Variants in PRDM16 observed in about 807,000 individuals in gnomAD.
PRDM16 encodes the protein PR/SET domain 16, also known as histone-lysine N-methyltransferase PRDM16.
A neutral mutation model predicts 110.6 loss-of-function variants in PRDM16; 23 were observed. The ratio of observed to expected loss-of-function variants is 0.21; its 90% CI spans 0.15 to 0.29. The LOEUF (loss-of-function observed/expected upper bound fraction) is 0.29, where lower values mean the gene tolerates loss of function less well. Ranked by LOEUF, PRDM16 falls within the 10% of genes least tolerant of loss-of-function variation. PRDM16 has a pLI of 1.00. For synonymous variants in PRDM16, 799 were observed against 781.8 expected (o/e 1.02, Z -0.37); for missense variants, 1,615 against 1,794.3 (o/e 0.90, Z 1.81).
rs372060073 is a variant in PRDM16, at chr1:3,135,191, C to T, written c.38-50934C>T. Among the ~76,000 whole-genome samples, 10 of 152,328 alleles carry T rather than the reference C, an allele frequency of 6.6e-5. No homozygotes were observed. The East Asian group carries it at 1.6e-3, about 24-fold the overall frequency. ...CCAGCCTGGTCCCCACCAGTGAACC[C>T]GAGTCAGCCCAGTCGGCCCCAGGCT... On this transcript the variant is annotated intron_variant, in intron 1 of 16. Transcript: ENST00000270722.
chr1:3,408,819 CGT>C lies in PRDM16; in HGVS notation c.1187-2563_1187-2562del, dbSNP rs1401052633. On this transcript the variant is annotated intron_variant, in intron 8 of 16. Coordinates refer to ENST00000270722, the MANE Select transcript of PRDM16 (RefSeq NM_022114.4). ...GCGTGTGTGTGAGCGCGTGTGGGCGCGTGAGCTGGTGCGTGTGTTGGAGGATG... is the reference window on the plus strand; with the variant it reads ...GCGTGTGTGTGAGCGCGTGTGGGCGCGAGCTGGTGCGTGTGTTGGAGGATG... Among the ~76,000 whole-genome samples the C allele has an allele frequency of 6.0e-5, 8 of 133,796 alleles. No homozygotes were observed. The East Asian group carries it at 9.3e-4, about 16-fold the overall frequency. 87.8% of individuals were successfully genotyped at this position (133,796 alleles called of 152,430 possible). A position where few individuals can be genotyped will look rare whatever the true frequency, so the allele number is the denominator to read the frequency against.
chr1:3,080,900 A>G lies in PRDM16; in HGVS notation c.37+11604A>G, dbSNP rs896102825. On this transcript the variant is annotated intron_variant, in intron 1 of 16. Transcript: ENST00000270722. This position sits in a 1 kb window ranked among gnomAD's most constrained non-coding sequence, Gnocchi z 5.2. ...AGCAGAACCCCGGCCCGAGCACCCAACGCTTCCCGGAGAGCTTGTGTGCCT... is the reference window on the plus strand; with the variant it reads ...AGCAGAACCCCGGCCCGAGCACCCAGCGCTTCCCGGAGAGCTTGTGTGCCT... Among the ~76,000 whole-genome samples the G allele has an allele frequency of 4.0e-5, 6 of 151,288 alleles. No homozygotes were observed. The highest frequency in any genetic ancestry group is 8.8e-5 in the Non-Finnish European group (6 of 67,812).
At chr1:3,304,859 G>A (rs1641278611) in intron 3 of PRDM16, among the ~76,000 whole-genome samples, 1 of 152,136 alleles carries the variant, frequency 6.6e-6, no homozygotes, top group African/African-American at 2.4e-5. Flanking sequence ...AGTTGTGGAG[G>A]AGCCCAAGGA....
At chr1:3,227,600 A>AC (rs1178088567) in intron 2 of PRDM16, among the ~76,000 whole-genome samples, 1 of 152,146 alleles carries the variant, frequency 6.6e-6, no homozygotes, top group Non-Finnish European at 1.5e-5. Context: ...GGGAATCAGG[A>AC]CCCGTGGGCC....
rs1442203004 is a variant in PRDM16, at chr1:3,213,956, C to T, written c.387+27482C>T. On this transcript the variant is annotated intron_variant, in intron 2 of 16. Transcript: ENST00000270722. The surrounding 1 kb of genome is among the most constrained non-coding windows in gnomAD (Gnocchi z 5.3). ...GGTGTGGCCAGTGCACCAAGCAGAA[C>T]GGCCAGGCAAGCTGCGCCCAGACAC... Among the ~76,000 whole-genome samples the T allele has an allele frequency of 1.3e-5, 2 of 151,998 alleles. No individual in the cohort carries two copies. Among genetic ancestry groups the T allele is most frequent in the South Asian group, 2.1e-4 (1 of 4,808 alleles).
intron 3 of PRDM16, among the ~76,000 whole-genome samples, chr1:3,347,708 G>A (rs550954863): frequency 5.0e-4 from 76 of 152,312 alleles, no homozygotes; most frequent in Middle Eastern, 6.8e-3. Flanking sequence ...GGCAGGTTCC[G>A]GGCTAAGGAG....
intron 3 of PRDM16, among the ~76,000 whole-genome samples, chr1:3,365,711 G>T (rs1454898304): frequency 6.6e-6 from 1 of 152,240 alleles, no homozygotes; most frequent in Non-Finnish European, 1.5e-5. Flanking sequence ...CGCCTAAGTG[G>T]CTCCCGTCAC....
chr1:3,087,422 C>G (rs1322395400), intron 1 of PRDM16, among the ~76,000 whole-genome samples: 1 of 152,224 alleles, frequency 6.6e-6, no homozygotes, highest in Non-Finnish European at 1.5e-5. Context: ...CCTGGACGTC[C>G]CACTCTGGAT....
chr1:3,073,509 G>A (rs374317667), intron 1 of PRDM16, among the ~76,000 whole-genome samples: 3 of 152,186 alleles, frequency 2.0e-5, no homozygotes, highest in African/African-American at 7.2e-5. Context: ...TCGCCGGCGC[G>A]GGAGGACCAG....
intron 3 of PRDM16, among the ~76,000 whole-genome samples, chr1:3,363,245 A>C (rs1380426223): frequency 6.6e-6 from 1 of 152,210 alleles, no homozygotes; most frequent in Non-Finnish European, 1.5e-5. Context: ...CCCGCCTCTC[A>C]AGACGGGTGT....
intron 1 of PRDM16, among the ~76,000 whole-genome samples, chr1:3,116,617 C>T (rs1442197906): frequency 2.6e-5 from 4 of 152,196 alleles, no homozygotes; most frequent in Admixed American, 6.5e-5. Flanking sequence ...CCCAGGGGAC[C>T]GCAGCTCCGG....
At position 3,417,201 on chromosome 1, in the gene PRDM16, T is replaced by A. The variant is rs1638288786; in HGVS notation, c.2692-627T>A. Among the ~76,000 whole-genome samples the A allele has an allele frequency of 2.0e-5, 3 of 152,244 alleles. No homozygotes were observed. In the South Asian group the frequency reaches 6.2e-4, roughly 32 times the overall value. ...AAATTGCCCTGTGTCATGTGACATG[T>A]CACATTATTATTTTGAATATTTCCT... On this transcript the variant is annotated intron_variant, in intron 10 of 16. Coordinates refer to ENST00000270722, the MANE Select transcript of PRDM16 (RefSeq NM_022114.4).
At chr1:3,427,336 A>G (rs1335144631) in intron 14 of PRDM16, among the ~76,000 whole-genome samples, 1 of 152,150 alleles carries the variant, frequency 6.6e-6, no homozygotes, top group Non-Finnish European at 1.5e-5. Flanking sequence ...CCCTGATTCT[A>G]CAGAAGGGAA....
At chr1:3,110,858 G>A (rs1642775211) in intron 1 of PRDM16, among the ~76,000 whole-genome samples, 1 of 152,170 alleles carries the variant, frequency 6.6e-6, no homozygotes, top group Admixed American at 6.5e-5. Flanking sequence ...GGGATGAGGT[G>A]CAGCTCTTGG....
chr1:3,349,258 G>A (rs530223036), intron 3 of PRDM16, among the ~76,000 whole-genome samples: 32 of 152,292 alleles, frequency 2.1e-4, no homozygotes, highest in African/African-American at 7.0e-4. Flanking sequence ...CCGCCCCACG[G>A]GAGATAAGAT....
chr1:3,156,391 G>A (rs997432677), intron 1 of PRDM16, among the ~76,000 whole-genome samples: 1 of 152,322 alleles, frequency 6.6e-6, no homozygotes, highest in Middle Eastern at 3.4e-3. Context: ...CTCTCTGCCT[G>A]CGGAGGTAAA....
intron 1 of PRDM16, among the ~76,000 whole-genome samples, chr1:3,114,153 GCACA>G (rs749731166): frequency 9.8e-5 from 14 of 142,634 alleles, no homozygotes; most frequent in African/African-American, 2.1e-4. Context: ...CTGCACACAC[GCACA>G]CACACACGCA....
chr1:3,229,620 C>A (rs552660262), intron 2 of PRDM16, among the ~76,000 whole-genome samples: 1 of 152,350 alleles, frequency 6.6e-6, no homozygotes, highest in African/African-American at 2.4e-5. Context: ...CCCAGTCCCA[C>A]CCAGCCACTT....
In PRDM16 at chr1:3,425,774, C is replaced by A. The variant is rs553700839; in HGVS notation, c.3109+24C>A. On this transcript the variant is annotated intron_variant, in intron 13 of 16. Coordinates refer to ENST00000270722, the MANE Select transcript of PRDM16 (RefSeq NM_022114.4). The surrounding 1 kb of genome is among the most constrained non-coding windows in gnomAD (Gnocchi z 6.9). ...AGGTGGGCCACGCGGGGTGGGGCAG[C>A]CCCCAGAGCACCCACACGGGCAGGC... 1 of 1,611,654 alleles carries A rather than the reference C, an allele frequency of 6.2e-7. No homozygotes were observed. Among genetic ancestry groups the A allele is most frequent in the African/African-American group, 1.3e-5 (1 of 74,996 alleles).
Sources: allele counts gnomAD v4.1 joint callset (sites outside exome capture counted in the v4.1 genomes callset), GRCh38; gene constraint gnomAD v4.1.1; non-coding constraint Gnocchi (gnomAD v3.1); transcripts MANE v1.5; gene names NCBI Gene and HGNC (gene_info 2026-07-23, HGNC 2026-07-21).